The following CCDC141 variants were observed in gnomAD, a reference collection of about 807,000 sequenced individuals.
CCDC141 encodes coiled-coil domain containing 141.
In CCDC141, 168 loss-of-function variants were observed where a neutral mutation model predicts 181.0. The ratio of observed to expected loss-of-function variants is 0.93; its 90% CI spans 0.82 to 1.05. CCDC141 has a LOEUF of 1.05. Among genes scored for constraint, CCDC141 ranks in the 50% least tolerant of loss-of-function variants. The pLI, the probability that CCDC141 is intolerant of heterozygous loss-of-function variation, is 0.00. For missense variants in CCDC141, 1,902 were observed against 1,788.5 expected (o/e 1.06, Z -1.14); for synonymous variants, 666 against 642.3 (o/e 1.04, Z -0.56).
intron 8 of CCDC141, among the ~76,000 whole-genome samples, chr2:178,893,788 T>A (rs1687265367): frequency 7.3e-6 from 1 of 137,524 alleles, no homozygotes; most frequent in Non-Finnish European, 1.6e-5. Flanking sequence ...CACCAAACAT[T>A]TCTCTCTCTC....
chr2:178,908,346 C>T (rs1313145365), intron 7 of CCDC141, among the ~76,000 whole-genome samples: 1 of 152,108 alleles, frequency 6.6e-6, no homozygotes, highest in Non-Finnish European at 1.5e-5. Context: ...AGGCACACAC[C>T]ACCACACCCA....
Position 178,978,252 on chromosome 2 carries a change from C to A in CCDC141, c.417+232G>T, listed in dbSNP as rs1021130132. On this transcript the variant is annotated intron_variant, in intron 3 of 23. Coordinates refer to ENST00000443758, the MANE Select transcript of CCDC141 (RefSeq NM_173648.4). ...TTCCCATTATTACTTAATATTTTACCAAATTTTAGTTATTTAACTGTACTT... is the reference window on the plus strand; with the variant it reads ...TTCCCATTATTACTTAATATTTTACAAAATTTTAGTTATTTAACTGTACTT... Among the ~76,000 whole-genome samples, 19 of 151,922 alleles carry A rather than the reference C, an allele frequency of 1.3e-4. 1 individual carries two copies. In the East Asian group the frequency reaches 1.9e-3, roughly 15 times the overall value.
chr2:178,840,335 A>G (rs1232248068), intron 22 of CCDC141, among the ~76,000 whole-genome samples: 1 of 152,236 alleles, frequency 6.6e-6, no homozygotes, highest in Non-Finnish European at 1.5e-5. Flanking sequence ...AGACAATGAC[A>G]ACTCCTTAAT....
At chr2:178,965,596 T>C (rs550248840) in intron 4 of CCDC141, among the ~76,000 whole-genome samples, 1 of 152,300 alleles carries the variant, frequency 6.6e-6, no homozygotes, top group South Asian at 2.1e-4. Flanking sequence ...GATACTGTGC[T>C]TGTCCCATGG....
chr2:178,833,223 G>A lies in CCDC141; in HGVS notation c.*950C>T, dbSNP rs775331494. 1.3e-5 allele frequency: 2 copies of A among 152,128 alleles called. No individual in the cohort carries two copies. The highest frequency in any genetic ancestry group is 2.9e-5 in the Non-Finnish European group (2 of 68,020). The allele number at this position is 152,128 out of a possible 1,614,324, so 9.4% of individuals were successfully genotyped here. On this transcript the variant is annotated 3_prime_UTR_variant, in exon 24 of 24. Coordinates refer to ENST00000443758, the MANE Select transcript of CCDC141 (RefSeq NM_173648.4). ...GAAATAGTGAGCAGGAGGCCGGTCT[G>A]ATGACAAATTACATTAAACAATATC...
intron 20 of CCDC141, 41 bp downstream of exon 20, chr2:178,853,400 G>T: frequency 1.3e-6 from 2 of 1,585,320 alleles, no homozygotes; most frequent in Non-Finnish European, 1.7e-6. Context: ...GTATAGATTT[G>T]TTCAATGGCC....
chr2:179,037,504 G>A (rs1158126659), intron 2 of CCDC141, among the ~76,000 whole-genome samples: 1 of 152,068 alleles, frequency 6.6e-6, no homozygotes, highest in Non-Finnish European at 1.5e-5. Context: ...TAAATAATTC[G>A]AGTCACGCAG....
At position 178,978,638 on chromosome 2, in the gene CCDC141, G is replaced by T; in HGVS notation, c.263C>A (p.Ala88Glu). ...EDRVWELLQE[A>E]DKTAEENKDQ... is the part of the protein sequence containing the mutation. ...CTTGTTCTCTTCAGCTGTCTTGTCT[G>T]CTTCCTGCAAGAGTTCCCATACCCG... The change falls in exon 3 of 24, where the codon GCA becomes GAA. Residue 88 changes from alanine (A) to glutamate (E), a missense_variant. Ala to Glu is a moderately radical substitution (Grantham distance 107). Transcript: ENST00000443758. The T allele has an allele frequency of 6.5e-7, 1 of 1,546,350 alleles. No homozygotes were observed. The highest frequency in any genetic ancestry group is 8.7e-7 in the Non-Finnish European group (1 of 1,145,186).
At chr2:178,996,929 AGGTATGGCC>A (rs1692315722) in intron 2 of CCDC141, among the ~76,000 whole-genome samples, 1 of 152,212 alleles carries the variant, frequency 6.6e-6, no homozygotes, top group Non-Finnish European at 1.5e-5. Flanking sequence ...ATCAGAGGCC[AGGTATGGCC>A]CAATGCTTCC....
chr2:179,021,418 T>C (rs1055391580), intron 2 of CCDC141, among the ~76,000 whole-genome samples: 4 of 152,206 alleles, frequency 2.6e-5, no homozygotes, highest in Non-Finnish European at 5.9e-5. Context: ...AGTATTCTGA[T>C]TGGCTTCAGT....
chr2:178,831,108 T>G lies in CCDC141; in HGVS notation c.*3065A>C, dbSNP rs116375331. 6.6e-6 allele frequency: 1 copy of G among 152,160 alleles called. No individual in the cohort carries two copies. The highest frequency in any genetic ancestry group is 2.4e-5 in the African/African-American group (1 of 41,442). The allele number at this position is 152,160 out of a possible 1,614,324, so 9.4% of individuals were successfully genotyped here. Reference sequence around the variant, plus strand: ...TAGAGGTTACCATTATTGATTAATATAGCTAAAAAATTTTCTGCATCTTGT... The same window carrying G: ...TAGAGGTTACCATTATTGATTAATAGAGCTAAAAAATTTTCTGCATCTTGT... On this transcript the variant is annotated 3_prime_UTR_variant, in exon 24 of 24. Transcript: ENST00000443758.
chr2:178,924,330 G>A (rs2154375266), intron 6 of CCDC141, among the ~76,000 whole-genome samples: 1 of 152,278 alleles, frequency 6.6e-6, no homozygotes, highest in Non-Finnish European at 1.5e-5. Flanking sequence ...ATTAGACATA[G>A]CCTATTTCTT....
rs1469361728 is a variant in CCDC141 at position 178,834,236 on chromosome 2, G to T, written c.4530C>A (p.Asn1510Lys). ...GNCRLPITRV[N>K]WITLCVVYVS... ...CATAGACGACACACAGGGTTATCCA[G>T]TTTACTCTTGTGATTGGCAGCCTGC... The change falls in exon 24 of 24, where the codon AAC (asparagine) becomes AAA (lysine). Residue 1510 changes from asparagine to lysine, a missense_variant. Asn to Lys is a moderately conservative substitution (Grantham distance 94, BLOSUM62 0). Transcript: ENST00000443758. 7 of 1,536,270 alleles carry T rather than the reference G, an allele frequency of 4.6e-6. No individual in the cohort carries two copies. The Middle Eastern group carries it at 6.7e-4, about 147-fold the overall frequency.
intron 5 of CCDC141, among the ~76,000 whole-genome samples, chr2:178,958,685 T>C (rs1690259817): frequency 7.4e-6 from 1 of 135,600 alleles, no homozygotes; most frequent in South Asian, 2.6e-4. Context: ...ACTTTGAATC[T>C]TCTAAATTTT....
chr2:179,034,151 T>TAAAC (rs2043074532), intron 2 of CCDC141, among the ~76,000 whole-genome samples: 1 of 152,170 alleles, frequency 6.6e-6, no homozygotes, highest in African/African-American at 2.4e-5. Flanking sequence ...CACCATGGAA[T>TAAAC]ACTATGCAGC....
intron 6 of CCDC141, among the ~76,000 whole-genome samples, chr2:178,936,731 G>A (rs112562621): frequency 0.016 from 2,398 of 152,200 alleles, 64 homozygotes; most frequent in African/African-American, 0.055. Flanking sequence ...CCATGAGTAT[G>A]GAATGTGTTT....
At chr2:179,041,643 C>T (rs2043311443) in intron 2 of CCDC141, among the ~76,000 whole-genome samples, 1 of 151,734 alleles carries the variant, frequency 6.6e-6, no homozygotes, top group Non-Finnish European at 1.5e-5. Context: ...GAACCAAGAT[C>T]CATTGGTATG....
At chr2:178,853,867 T>C (rs148060332) in intron 19 of CCDC141, among the ~76,000 whole-genome samples, 53 of 152,146 alleles carry the variant, frequency 3.5e-4, no homozygotes, top group African/African-American at 1.3e-3. Context: ...AAAGTAAAAA[T>C]ATGAAAATAT....
At chr2:178,905,192 A>C (rs1558969841) in intron 8 of CCDC141, 137 bp downstream of exon 8, 1 of 780,074 alleles carries the variant, frequency 1.3e-6, no homozygotes, top group East Asian at 2.7e-5. Context: ...ATCAAACTTC[A>C]ATAGATCCTT....
Sources: gnomAD v4.1 joint callset for allele counts (sites outside exome capture counted in the v4.1 genomes callset) on GRCh38, gnomAD v4.1.1 for gene constraint, MANE v1.5 for transcripts, NCBI Gene and HGNC (gene_info 2026-07-23, HGNC 2026-07-21) for gene names.